Variants in NUP93 observed in about 807,000 individuals in gnomAD.
NUP93 encodes the protein nucleoporin 93.
A neutral mutation model predicts 107.8 loss-of-function variants in NUP93; 55 were observed. The observed-to-expected ratio is 0.51, with a 90% CI of 0.41 to 0.64. NUP93 has a LOEUF of 0.64. NUP93 is among the 30% of genes least tolerant of loss of function. The pLI is 0.00. For missense variants in NUP93, 937 were observed against 1,044.7 expected, an observed-to-expected ratio of 0.90 and a Z score of 1.42; for synonymous variants, 390 against 397.5, an observed-to-expected ratio of 0.98 and a Z score of 0.22.
chr16:56,807,356 T>G (rs77611915), intron 5 of NUP93, among the ~76,000 whole-genome samples: 8,931 of 152,322 alleles, frequency 0.059, 328 homozygotes, highest in Middle Eastern at 0.11. Flanking sequence ...TATTCAACAC[T>G]TTGCATATCC....
At chr16:56,733,803 T>G (rs1308569024) in intron 1 of NUP93, among the ~76,000 whole-genome samples, 1 of 152,240 alleles carries the variant, frequency 6.6e-6, no homozygotes, top group Non-Finnish European at 1.5e-5. Context: ...TCTTCTCCCC[T>G]GAATAACATA....
At chr16:56,769,801 A>T (rs1204720076) in intron 3 of NUP93, among the ~76,000 whole-genome samples, 1 of 152,202 alleles carries the variant, frequency 6.6e-6, no homozygotes, top group East Asian at 1.9e-4. Context: ...TGAACTATTG[A>T]TTGTTGACTT....
intron 5 of NUP93, among the ~76,000 whole-genome samples, chr16:56,811,076 T>G (rs548389224): frequency 1.3e-5 from 2 of 152,236 alleles, no homozygotes; most frequent in Non-Finnish European, 2.9e-5. Flanking sequence ...ATGGTGAGCA[T>G]TTTTGTGTGT....
intron 5 of NUP93, among the ~76,000 whole-genome samples, chr16:56,811,508 T>C (rs1347235609): frequency 3.3e-5 from 5 of 149,576 alleles, no homozygotes; most frequent in Admixed American, 6.7e-5. Context: ...GAAATATCAT[T>C]TTGTTTTTGT....
chr16:56,735,674 A>C (rs1041876811), intron 1 of NUP93, among the ~76,000 whole-genome samples: 2 of 152,042 alleles, frequency 1.3e-5, no homozygotes, highest in Admixed American at 6.5e-5. Flanking sequence ...GTGAAACCCC[A>C]AAAATTAGCT....
intron 1 of NUP93, among the ~76,000 whole-genome samples, chr16:56,744,511 T>G (rs2144449378): frequency 6.6e-6 from 1 of 152,378 alleles, no homozygotes; most frequent in South Asian, 2.1e-4. Flanking sequence ...AAAACTTTTT[T>G]GTATAATTAA....
chr16:56,836,144 G>T (rs950923907), intron 16 of NUP93, among the ~76,000 whole-genome samples: 1 of 141,584 alleles, frequency 7.1e-6, no homozygotes, highest in Non-Finnish European at 1.6e-5. Context: ...AAAAAAAAAA[G>T]AAATGTCCTG....
At chr16:56,771,639 A>G (rs1206911383) in intron 3 of NUP93, among the ~76,000 whole-genome samples, 1 of 152,206 alleles carries the variant, frequency 6.6e-6, no homozygotes, top group Non-Finnish European at 1.5e-5. Context: ...TGCTACTTAG[A>G]AGAGTAATTT....
chr16:56,792,601 G>A (rs1433340256), intron 3 of NUP93, among the ~76,000 whole-genome samples: 2 of 152,216 alleles, frequency 1.3e-5, no homozygotes, highest in African/African-American at 2.4e-5. Flanking sequence ...ATCCAGTTAA[G>A]TAGTATTGAG....
In NUP93 at chr16:56,733,547, G is replaced by C. The variant is rs550147374; in HGVS notation, c.-15+3336G>C. On this transcript the variant is annotated intron_variant, in intron 1 of 21. Transcript: ENST00000308159. Reference sequence around the variant, plus strand: ...TTACGAAAAGAGACTGGGAACCCACGAGAAGGAAGCATTGGTGGTGGCAGT... The same window carrying C: ...TTACGAAAAGAGACTGGGAACCCACCAGAAGGAAGCATTGGTGGTGGCAGT... 4.6e-5 allele frequency among the ~76,000 whole-genome samples: 7 copies of C among 152,254 alleles called. No individual in the cohort carries two copies. The South Asian group carries it at 1.5e-3, about 32-fold the overall frequency.
At chr16:56,776,228 TTC>T (rs1331595423) in intron 3 of NUP93, among the ~76,000 whole-genome samples, 3 of 152,174 alleles carry the variant, frequency 2.0e-5, no homozygotes, top group Non-Finnish European at 4.4e-5. Flanking sequence ...ATACAGTTTT[TTC>T]CCCCCTTGTT....
chr16:56,840,601 A>G (rs1964004375), intron 20 of NUP93, among the ~76,000 whole-genome samples: 1 of 152,196 alleles, frequency 6.6e-6, no homozygotes, highest in African/African-American at 2.4e-5. Context: ...CACTCAACTC[A>G]GCTGTCGACA....
chr16:56,755,731 T>C (rs1962007001), intron 2 of NUP93, among the ~76,000 whole-genome samples: 1 of 152,018 alleles, frequency 6.6e-6, no homozygotes, highest in Non-Finnish European at 1.5e-5. Flanking sequence ...AAAAATTAGC[T>C]GAGTGTGCTG....
At chr16:56,791,870 T>G (rs1962771054) in intron 3 of NUP93, among the ~76,000 whole-genome samples, 1 of 152,226 alleles carries the variant, frequency 6.6e-6, no homozygotes, top group African/African-American at 2.4e-5. Context: ...AGTAGCACTA[T>G]TTTGGAACAC....
At chr16:56,779,950 A>G (rs1962483377) in intron 3 of NUP93, among the ~76,000 whole-genome samples, 1 of 152,154 alleles carries the variant, frequency 6.6e-6, no homozygotes, top group Admixed American at 6.6e-5. Flanking sequence ...TTTCATCCCC[A>G]GGCAGAGATT....
intron 16 of NUP93, among the ~76,000 whole-genome samples, chr16:56,835,293 G>T (rs1207356699): frequency 2.0e-5 from 3 of 152,200 alleles, no homozygotes; most frequent in African/African-American, 7.2e-5. Context: ...AGATCCTGTT[G>T]TCAGAGACCA....
rs1338402365 is a variant in NUP93, at chr16:56,848,755, T to C, written c.*4146T>C. On this transcript the variant is annotated 3_prime_UTR_variant, in exon 22 of 22. Transcript: ENST00000308159. ...GGCCACGTGTATTTATCAGCCAAGA[T>C]TCCATTGCAGCAGATGATTTCAAAA... The C allele has an allele frequency of 6.6e-6, 1 of 152,240 alleles. No individual in the cohort carries two copies. The highest frequency in any genetic ancestry group is 1.5e-5 in the Non-Finnish European group (1 of 68,044). The allele number at this position is 152,240 out of a possible 1,614,324, so 9.4% of individuals were successfully genotyped here. A position where few individuals can be genotyped will look rare whatever the true frequency, so the allele number is the denominator to read the frequency against.
intron 4 of NUP93, among the ~76,000 whole-genome samples, chr16:56,801,034 T>G (rs1963009279): frequency 6.6e-6 from 1 of 152,236 alleles, no homozygotes; most frequent in African/African-American, 2.4e-5. Context: ...TCCACTGTTT[T>G]GTCATTTTCT....
intron 4 of NUP93, among the ~76,000 whole-genome samples, chr16:56,804,935 C>T (rs530365351): frequency 9.2e-5 from 14 of 151,794 alleles, no homozygotes; most frequent in South Asian, 4.2e-4. Context: ...TATATTTTAC[C>T]GAAGTTTTAT....
Sources: gnomAD v4.1 joint callset for allele counts (sites outside exome capture counted in the v4.1 genomes callset) on GRCh38, gnomAD v4.1.1 for gene constraint, MANE v1.5 for transcripts, NCBI Gene and HGNC (gene_info 2026-07-23, HGNC 2026-07-21) for gene names.